Variants in CYTH3 observed in about 807,000 individuals in gnomAD.
The protein encoded by CYTH3 is cytohesin 3, also known as cytohesin-3.
Under a neutral mutation model 55.1 loss-of-function variants are expected in CYTH3, and 23 were observed. The ratio of observed to expected loss-of-function variants is 0.42; its 90% CI spans 0.30 to 0.59. CYTH3 has a LOEUF of 0.59. Among genes scored for constraint, CYTH3 ranks in the 20% least tolerant of loss-of-function variants. CYTH3 has a pLI of 0.20. For missense variants in CYTH3, 413 were observed against 524.8 expected (o/e 0.79, Z 2.08); for synonymous variants, 249 against 194.9 (o/e 1.28, Z -2.31).
intron 1 of CYTH3, among the ~76,000 whole-genome samples, chr7:6,197,037 G>A (rs1783951115): frequency 6.6e-6 from 1 of 152,216 alleles, no homozygotes; most frequent in African/African-American, 2.4e-5. Flanking sequence ...GATGAGCAGG[G>A]TTGGTTGTTA....
chr7:6,174,945 C>T (rs1235984349), intron 5 of CYTH3, among the ~76,000 whole-genome samples: 2 of 152,154 alleles, frequency 1.3e-5, no homozygotes, highest in Non-Finnish European at 2.9e-5. Flanking sequence ...GATCCTTTGC[C>T]AGTTTATAAC....
At chr7:6,254,694 C>T (rs1000595126) in intron 1 of CYTH3, among the ~76,000 whole-genome samples, 4 of 152,216 alleles carry the variant, frequency 2.6e-5, no homozygotes, top group Non-Finnish European at 5.9e-5. Context: ...AAACAATCTG[C>T]GCACCTTGGC....
intron 3 of CYTH3, 85 bp from the exon 4 acceptor site, chr7:6,187,201 C>T (rs2128543185): frequency 7.1e-7 from 1 of 1,417,850 alleles, no homozygotes; most frequent in Non-Finnish European, 1.0e-6. Context: ...CTTTCCCCCG[C>T]AACAACGGGC....
chr7:6,189,226 G>T (rs1428166919), intron 2 of CYTH3, among the ~76,000 whole-genome samples: 1 of 152,140 alleles, frequency 6.6e-6, no homozygotes, highest in Non-Finnish European at 1.5e-5. Context: ...CTTCTCCTGT[G>T]GGACCGCCCT....
intron 1 of CYTH3, among the ~76,000 whole-genome samples, chr7:6,257,362 T>C (rs1780155330): frequency 6.6e-6 from 1 of 152,202 alleles, no homozygotes; most frequent in African/African-American, 2.4e-5. Flanking sequence ...TTAATCTAAT[T>C]ACTGAAACTT....
At chr7:6,225,420 C>T (rs1779223179) in intron 1 of CYTH3, among the ~76,000 whole-genome samples, 1 of 150,408 alleles carries the variant, frequency 6.6e-6, no homozygotes, top group African/African-American at 2.5e-5. Flanking sequence ...ATGGCACGAT[C>T]TCGGCTCACC....
intron 2 of CYTH3, 95 bp downstream of exon 2, chr7:6,190,354 T>A: frequency 1.1e-6 from 1 of 948,540 alleles, no homozygotes; most frequent in Non-Finnish European, 1.4e-6. Context: ...GGGTTTTTTT[T>A]TTTTTTTACA....
intron 1 of CYTH3, among the ~76,000 whole-genome samples, chr7:6,207,134 G>A (rs1460599071): frequency 1.7e-5 from 2 of 117,542 alleles, no homozygotes; most frequent in East Asian, 2.9e-4. Context: ...TCACTCCGTC[G>A]CCCAGGCTGG....
At chr7:6,227,210 A>C (rs1307417776) in intron 1 of CYTH3, among the ~76,000 whole-genome samples, 1 of 152,182 alleles carries the variant, frequency 6.6e-6, no homozygotes, top group Non-Finnish European at 1.5e-5. Context: ...TGAAATCACT[A>C]CAAAAAAAGA....
intron 2 of CYTH3, chr7:6,188,854 C>G (rs2128543650): frequency 6.6e-6 from 1 of 152,268 alleles, no homozygotes; most frequent in South Asian, 2.1e-4. Context: ...GAGACCAATT[C>G]TGGGTTATCT....
intron 1 of CYTH3, among the ~76,000 whole-genome samples, chr7:6,253,388 T>TA (rs1780020884): frequency 6.6e-6 from 1 of 151,938 alleles, no homozygotes; most frequent in African/African-American, 2.4e-5. Context: ...TTTGTATTTT[T>TA]AGTAGAGATA....
At chr7:6,193,964 T>A (rs1783861094) in intron 1 of CYTH3, among the ~76,000 whole-genome samples, 1 of 152,164 alleles carries the variant, frequency 6.6e-6, no homozygotes, top group Non-Finnish European at 1.5e-5. Context: ...GCGTCTTCTC[T>A]GAAGCATCCC....
At chr7:6,185,914 G>A (rs1270872055) in intron 4 of CYTH3, among the ~76,000 whole-genome samples, 1 of 151,932 alleles carries the variant, frequency 6.6e-6, no homozygotes, top group African/African-American at 2.4e-5. Flanking sequence ...TTAGCACAGA[G>A]GCTCAATGCC....
At position 6,173,751 on chromosome 7, in the gene CYTH3, A is replaced by T. The variant is rs372887661; in HGVS notation, c.369-18T>A. On this transcript the variant is annotated intron_variant, in intron 5 of 12. Coordinates refer to ENST00000350796, the MANE Select transcript of CYTH3 (RefSeq NM_004227.4). ...ATTCATCCCTGGGAAAAAAAGAAGT[A>T]AGTTTCAAACCTAATGTACATTATC... 169 of 1,466,644 alleles carry T rather than the reference A, an allele frequency of 1.2e-4. No homozygotes were observed. The African/African-American group carries it at 2.2e-3, about 19-fold the overall frequency. 90.9% of individuals were successfully genotyped at this position (1,466,644 alleles called of 1,614,324 possible).
chr7:6,247,657 T>C (rs1303699517), intron 1 of CYTH3, among the ~76,000 whole-genome samples: 1 of 152,160 alleles, frequency 6.6e-6, no homozygotes, highest in East Asian at 1.9e-4. Flanking sequence ...AATTTTTATT[T>C]ATTTATTTTT....
intron 1 of CYTH3, among the ~76,000 whole-genome samples, chr7:6,246,965 A>T (rs1426535035): frequency 1.3e-5 from 2 of 152,206 alleles, no homozygotes; most frequent in African/African-American, 4.8e-5. Flanking sequence ...ATCCATGAAC[A>T]AGTTTTGTTT....
intron 1 of CYTH3, among the ~76,000 whole-genome samples, chr7:6,269,255 TA>T (rs1312316441): frequency 6.6e-6 from 1 of 152,240 alleles, no homozygotes; most frequent in Non-Finnish European, 1.5e-5. Context: ...CTCTTACCCG[TA>T]AATGTTTGAA....
intron 1 of CYTH3, among the ~76,000 whole-genome samples, chr7:6,214,734 G>C (rs1002694267): frequency 3.3e-5 from 5 of 152,202 alleles, no homozygotes; most frequent in Middle Eastern, 3.4e-3. Context: ...AAGATGTGTT[G>C]TTTCCTTCTC....
intron 1 of CYTH3, among the ~76,000 whole-genome samples, chr7:6,268,946 G>A (rs1780580035): frequency 6.6e-6 from 1 of 152,212 alleles, no homozygotes; most frequent in South Asian, 2.1e-4. Context: ...GAGGGTAAAA[G>A]GGAGGAGGTA....
Sources: allele counts gnomAD v4.1 joint callset (sites outside exome capture counted in the v4.1 genomes callset), GRCh38; gene constraint gnomAD v4.1.1; transcripts MANE v1.5; gene names NCBI Gene and HGNC (gene_info 2026-07-23, HGNC 2026-07-21).